Variants in FKBP3 observed in about 807,000 individuals in gnomAD.
FKBP3 encodes peptidyl-prolyl cis-trans isomerase FKBP3.
Under a neutral mutation model 30.6 loss-of-function variants are expected in FKBP3, and 21 were observed. That is an observed-to-expected ratio of 0.69 (90% CI 0.49 to 0.99). FKBP3 has a LOEUF of 0.99. Among genes scored for constraint, FKBP3 ranks in the 50% least tolerant of loss-of-function variants. The pLI, the probability that FKBP3 is intolerant of heterozygous loss-of-function variation, is 0.00. For synonymous variants in FKBP3, 82 were observed against 91.3 expected, an observed-to-expected ratio of 0.90 and a Z score of 0.58; for missense variants, 283 against 261.6, an observed-to-expected ratio of 1.08 and a Z score of -0.56.
rs36080890 is a variant in FKBP3, at chr14:45,121,636, AAC to A, written c.319-18_319-17del. The A allele has an allele frequency of 1.4e-4, 230 of 1,608,326 alleles. No homozygotes were observed. Among genetic ancestry groups the A allele is most frequent in the African/African-American group, 1.4e-3 (102 of 74,886 alleles). On this transcript the variant is annotated splice_polypyrimidine_tract_variant and intron_variant, in intron 3 of 6. Coordinates refer to ENST00000396062, the MANE Select transcript of FKBP3 (RefSeq NM_002013.4). ...TTGGTGGACCCTAAAAACAAAAAAC[AAC>A]ACACACACACAGAGTTATTAATTTG... is the stretch of plus-strand genomic sequence containing the variant.
At chr14:45,118,897 C>T (rs907636298) in intron 5 of FKBP3, among the ~76,000 whole-genome samples, 2 of 151,996 alleles carry the variant, frequency 1.3e-5, no homozygotes, top group African/African-American at 4.8e-5. Flanking sequence ...GCTCTTGTTG[C>T]CCTGGCTGGA....
At position 45,121,620 on chromosome 14, in the gene FKBP3, C is replaced by A. The variant is rs780552412; in HGVS notation, c.319G>T (p.Gly107Cys). Residue 107 changes from glycine to cysteine, a missense_variant and splice_region_variant, in exon 4 of 7, where the codon GGT (glycine) becomes TGT (cysteine). Gly to Cys is a radical substitution (Grantham distance 159). Coordinates refer to ENST00000396062, the MANE Select transcript of FKBP3 (RefSeq NM_002013.4). ...ACAGATTTAGTATATTTTGGTGGAC[C>A]CTAAAAACAAAAAACAACACACACA... ...ETKSEETLDE[G>C]PPKYTKSVLK... 6.2e-7 allele frequency: 1 copy of A among 1,609,664 alleles called. No homozygotes were observed. Among genetic ancestry groups the A allele is most frequent in the Non-Finnish European group, 8.5e-7 (1 of 1,178,374 alleles).
intron 3 of FKBP3, among the ~76,000 whole-genome samples, chr14:45,126,692 G>A (rs903973584): frequency 6.6e-6 from 1 of 152,126 alleles, no homozygotes; most frequent in Non-Finnish European, 1.5e-5. Context: ...AGAAAGAGAT[G>A]AAGTATGTCT....
chr14:45,133,415 C>A (rs1007509032), intron 1 of FKBP3: 1 of 219,122 alleles, frequency 4.6e-6, no homozygotes. Context: ...TGCAGTGAGC[C>A]GAGATCGCGC....
intron 1 of FKBP3, 51 bp downstream of exon 1, chr14:45,134,298 G>T (rs1450459510): frequency 1.1e-5 from 15 of 1,389,530 alleles, no homozygotes; most frequent in Non-Finnish European, 1.2e-5. Context: ...CTCCAGGGGG[G>T]TGAGGCGTCC....
chr14:45,118,618 G>T (rs1421156012), intron 5 of FKBP3, among the ~76,000 whole-genome samples: 1 of 151,898 alleles, frequency 6.6e-6, no homozygotes, highest in East Asian at 1.9e-4. Flanking sequence ...GCAACAGAGT[G>T]AGACTCCTTC....
intron 6 of FKBP3, among the ~76,000 whole-genome samples, chr14:45,116,455 T>C (rs1458170031): frequency 6.7e-6 from 1 of 149,718 alleles, no homozygotes; most frequent in Admixed American, 6.7e-5. Flanking sequence ...AAAAGTAATG[T>C]CATTCTAGCT....
intron 1 of FKBP3, among the ~76,000 whole-genome samples, chr14:45,132,103 T>G (rs1056884529): frequency 6.6e-6 from 1 of 152,252 alleles, no homozygotes; most frequent in Non-Finnish European, 1.5e-5. Context: ...TGGCATCTTC[T>G]AAGCTTTTGA....
In FKBP3 at chr14:45,134,395, GGCAGCTGCTCACTGC is replaced by G. The variant is rs757731413; in HGVS notation, c.47_61del (p.Arg16_Leu20del). The G allele has an allele frequency of 5.0e-5, 80 of 1,613,642 alleles. No homozygotes were observed. The highest frequency in any genetic ancestry group is 6.4e-5 in the Non-Finnish European group (75 of 1,179,890). ...CAGAAACTTGATAATGTCCTTCTTG[GGCAGCTGCTCACTGC>G]GCAGCTGCTCCACGGTCCACGCCCG... On this transcript the variant is annotated inframe_deletion, in exon 1 of 7. Transcript: ENST00000396062.
chr14:45,125,903 ATT>A (rs758654184), intron 3 of FKBP3, among the ~76,000 whole-genome samples: 1 of 145,326 alleles, frequency 6.9e-6, no homozygotes, highest in African/African-American at 2.5e-5. Flanking sequence ...AAGAAAAAAA[ATT>A]TTTTTTTTTT....
chr14:45,129,936 C>G, intron 2 of FKBP3, 35 bp from the exon 3 acceptor site: 7 of 1,361,758 alleles, frequency 5.1e-6, no homozygotes, highest in Non-Finnish European at 7.2e-6. Flanking sequence ...ATACCCAGGA[C>G]AGGCTAAAAC....
chr14:45,127,679 A>AC (rs1326967854), intron 3 of FKBP3, among the ~76,000 whole-genome samples: 2 of 152,134 alleles, frequency 1.3e-5, no homozygotes, highest in Non-Finnish European at 2.9e-5. Flanking sequence ...ACCATACTGA[A>AC]CGGGGCAATT....
At chr14:45,134,014 CACT>C (rs1885293177) in intron 1 of FKBP3, among the ~76,000 whole-genome samples, 2 of 152,220 alleles carry the variant, frequency 1.3e-5, no homozygotes, top group East Asian at 1.9e-4. Flanking sequence ...TCATCCACAC[CACT>C]ATTCCTCGGC....
intron 1 of FKBP3, chr14:45,133,369 A>T: frequency 3.7e-6 from 1 of 272,004 alleles, no homozygotes; most frequent in Non-Finnish European, 7.9e-6. Context: ...CGAGAGGCAG[A>T]GGCAGGAGAA....
intron 3 of FKBP3, among the ~76,000 whole-genome samples, chr14:45,129,527 G>A (rs1885169933): frequency 6.6e-6 from 1 of 152,184 alleles, no homozygotes; most frequent in Non-Finnish European, 1.5e-5. Context: ...TGAAAGCTCA[G>A]AAGGTCTGGA....
At chr14:45,122,086 C>T (rs1594742234) in intron 3 of FKBP3, among the ~76,000 whole-genome samples, 1 of 151,970 alleles carries the variant, frequency 6.6e-6, no homozygotes, top group Non-Finnish European at 1.5e-5. Context: ...TGCCTCTGTC[C>T]CCGATTTGGA....
In FKBP3 at chr14:45,116,013, CAGGGATTCATA is replaced by C. The variant is rs1884824636; in HGVS notation, c.*174_*184del. 1.8e-6 allele frequency: 1 copy of C among 547,806 alleles called. No individual in the cohort carries two copies. The allele number at this position is 547,806 out of a possible 1,614,324, so 33.9% of individuals were successfully genotyped here. A position where few individuals can be genotyped will look rare whatever the true frequency, so the allele number is the denominator to read the frequency against. On this transcript the variant is annotated 3_prime_UTR_variant, in exon 7 of 7. Transcript: ENST00000396062. Reference sequence around the variant, plus strand: ...ACAGCTGTAGGAAAGTATTTTAGACCAGGGATTCATAAGGGATTTATCTCTCAAAAGCTGGG... The same window carrying C: ...ACAGCTGTAGGAAAGTATTTTAGACCAGGGATTTATCTCTCAAAAGCTGGG...
chr14:45,129,739 T>G (rs2139087061), intron 3 of FKBP3, 55 bp downstream of exon 3: 1 of 1,126,006 alleles, frequency 8.9e-7, no homozygotes, highest in South Asian at 1.6e-5. Context: ...AATAAAGAAA[T>G]AAATACAATT....
At chr14:45,119,333 G>A (rs1884928916) in intron 5 of FKBP3, among the ~76,000 whole-genome samples, 1 of 152,196 alleles carries the variant, frequency 6.6e-6, no homozygotes, top group Non-Finnish European at 1.5e-5. Context: ...ACTTTGGGAG[G>A]CTGAAGATGA....
Sources: gnomAD v4.1 joint callset for allele counts (sites outside exome capture counted in the v4.1 genomes callset) on GRCh38, gnomAD v4.1.1 for gene constraint, MANE v1.5 for transcripts, NCBI Gene and HGNC (gene_info 2026-07-23, HGNC 2026-07-21) for gene names.